RASEF: variants seen among roughly 807,000 people sequenced by gnomAD.
RASEF encodes RAS and EF-hand domain containing.
RASEF carries 68 observed loss-of-function variants against 90.1 expected under a neutral mutation model. That is an observed-to-expected ratio of 0.75 (90% CI 0.62 to 0.92). The LOEUF is 0.92. Ranked by LOEUF, RASEF falls within the 40% of genes least tolerant of loss-of-function variation. RASEF has a pLI of 0.00. For missense variants in RASEF, 949 were observed against 937.2 expected (o/e 1.01, Z -0.16); for synonymous variants, 331 against 345.2 (o/e 0.96, Z 0.46).
At chr9:83,176,368 CTA>C in the RASEF span, among the ~76,000 whole-genome samples, 5 of 152,050 alleles carry the variant, frequency 3.3e-5, no homozygotes, top group Admixed American at 3.3e-4. Flanking sequence ...TTATTTCAAT[CTA>C]TGTTTCTTTA....
chr9:83,154,302 T>G, the RASEF span, among the ~76,000 whole-genome samples: 1 of 152,220 alleles, frequency 6.6e-6, no homozygotes, highest in Non-Finnish European at 1.5e-5. Flanking sequence ...GCAAATTGAC[T>G]GGCTGGCACC....
intron 14 of RASEF, among the ~76,000 whole-genome samples, chr9:82,995,053 T>C (rs180893226): frequency 3.9e-5 from 6 of 152,362 alleles, no homozygotes; most frequent in Non-Finnish European, 8.8e-5. Flanking sequence ...CCATTAGTAG[T>C]ATGTAATTTT....
intron 1 of RASEF, among the ~76,000 whole-genome samples, chr9:83,047,826 A>G (rs1162967456): frequency 6.6e-6 from 1 of 152,224 alleles, no homozygotes; most frequent in Non-Finnish European, 1.5e-5. Flanking sequence ...GATGTCATGG[A>G]ACAACATGCT....
chr9:83,022,998 T>C (rs934341133), intron 2 of RASEF, among the ~76,000 whole-genome samples: 2 of 152,208 alleles, frequency 1.3e-5, no homozygotes, highest in African/African-American at 4.8e-5. Context: ...GATAAAATGA[T>C]ATTAAACTAG....
the RASEF span, among the ~76,000 whole-genome samples, chr9:83,142,907 A>G: frequency 7.5e-6 from 1 of 133,970 alleles, no homozygotes; most frequent in Non-Finnish European, 1.6e-5. Flanking sequence ...AAAACAGAAC[A>G]AGATTATCTT....
the RASEF span, among the ~76,000 whole-genome samples, chr9:83,198,203 A>G: frequency 1.3e-5 from 2 of 152,218 alleles, no homozygotes; most frequent in Non-Finnish European, 2.9e-5. Context: ...ACCCCAAAAC[A>G]TATAATTTAG....
At chr9:83,000,033 A>C (rs1019037121) in intron 12 of RASEF, 136 bp downstream of exon 12, 5 of 590,258 alleles carry the variant, frequency 8.5e-6, no homozygotes, top group Non-Finnish European at 1.4e-5. Flanking sequence ...ACACACACAC[A>C]CACATTTATA....
chr9:83,204,084 A>C, the RASEF span, among the ~76,000 whole-genome samples: 1 of 152,168 alleles, frequency 6.6e-6, no homozygotes, highest in African/African-American at 2.4e-5. Flanking sequence ...AGATGGTAAG[A>C]AGGTGAGGAT....
chr9:83,055,476 C>A, intron 1 of RASEF: 1 of 670,782 alleles, frequency 1.5e-6, no homozygotes, highest in East Asian at 2.8e-5. Context: ...CCCGGTACCT[C>A]AGATGGAAAT....
chr9:83,046,278 C>T (rs1449805531), intron 1 of RASEF, among the ~76,000 whole-genome samples: 2 of 152,040 alleles, frequency 1.3e-5, no homozygotes, highest in Admixed American at 6.6e-5. Context: ...TTAAGAATCT[C>T]GCATGACTTT....
At chr9:83,131,098 G>T in the RASEF span, among the ~76,000 whole-genome samples, 4 of 152,108 alleles carry the variant, frequency 2.6e-5, no homozygotes, top group Admixed American at 6.5e-5. Flanking sequence ...GTGATCTCCT[G>T]GGTCCTTTCT....
the RASEF span, among the ~76,000 whole-genome samples, chr9:83,140,614 C>A: frequency 6.6e-6 from 1 of 152,116 alleles, no homozygotes; most frequent in South Asian, 2.1e-4. Flanking sequence ...TGGCAAACAC[C>A]AGAACAGAGT....
chr9:83,009,995 C>T (rs1294606684), intron 5 of RASEF, among the ~76,000 whole-genome samples: 1 of 152,162 alleles, frequency 6.6e-6, no homozygotes, highest in Non-Finnish European at 1.5e-5. Flanking sequence ...TGATATTTGA[C>T]ACCAAACTAC....
At position 83,009,642 on chromosome 9, in the gene RASEF, T is replaced by G; in HGVS notation, c.958A>C (p.Arg320=). The G allele has an allele frequency of 6.4e-7, 1 of 1,565,656 alleles. No individual in the cohort carries two copies. The highest frequency in any genetic ancestry group is 8.8e-7 in the Non-Finnish European group (1 of 1,136,852). ...ACAAATAAAATGCAAAGTTCATACC[T>G]TTCAGTATTCAGACTCTGATCAGCA... The part of the protein sequence containing the change: ...DYADQSLNTE[R]DLEIIRAYTE... Residue 320 remains arginine (R), a splice_region_variant and synonymous_variant, in exon 6 of 17, where the codon AGG becomes CGG. Coordinates refer to ENST00000376447, the MANE Select transcript of RASEF (RefSeq NM_152573.4).
chr9:83,196,635 A>G, the RASEF span, among the ~76,000 whole-genome samples: 1 of 152,226 alleles, frequency 6.6e-6, no homozygotes, highest in Non-Finnish European at 1.5e-5. Flanking sequence ...TATGAGTCTG[A>G]TGCTGACTTG....
Position 82,998,360 on chromosome 9 carries a change from C to T in RASEF, c.1805+5G>A. The T allele has an allele frequency of 6.2e-7, 1 of 1,602,624 alleles. No individual in the cohort carries two copies. The highest frequency in any genetic ancestry group is 8.5e-7 in the Non-Finnish European group (1 of 1,169,650). On this transcript the variant is annotated splice_donor_5th_base_variant and intron_variant, in intron 13 of 16. Transcript: ENST00000376447. ...ATATCCCATAGCGCTGCGGAATGCACTTGCCTCTCCTGACCAGCTGTATCC... is the reference window on the plus strand; with the variant it reads ...ATATCCCATAGCGCTGCGGAATGCATTTGCCTCTCCTGACCAGCTGTATCC...
At chr9:83,188,709 C>T in the RASEF span, among the ~76,000 whole-genome samples, 3 of 152,108 alleles carry the variant, frequency 2.0e-5, no homozygotes, top group South Asian at 2.1e-4. Context: ...TTCCACCTAC[C>T]GCAGCCCAGC....
rs951301583 is a variant in RASEF at position 83,062,691 on chromosome 9, G to T, written c.177C>A (p.Asp59Glu). ...CGAACTCCTGGAAGGTGATGGCGCC[G>T]TCACGGTCGGCGTCCAGCCGCTGGA... ...AVFQRLDADRDGAITFQEFAR... is the reference protein window; with the variant it reads ...AVFQRLDADREGAITFQEFAR... The change falls in exon 1 of 17, where the codon GAC becomes GAA. Residue 59 changes from aspartate (D) to glutamate (E), a missense_variant. This residue lies in a region of RASEF where 656 missense variants were observed against 592.2 expected (regional missense o/e 1.11). Transcript: ENST00000376447. 1 of 1,574,808 alleles carries T rather than the reference G, an allele frequency of 6.3e-7. No homozygotes were observed. Among genetic ancestry groups the T allele is most frequent in the Non-Finnish European group, 8.6e-7 (1 of 1,169,096 alleles).
chr9:83,195,892 C>G, the RASEF span, among the ~76,000 whole-genome samples: 1 of 151,946 alleles, frequency 6.6e-6, no homozygotes, highest in East Asian at 1.9e-4. Context: ...TTCAAAACAG[C>G]CTACTGATAG....
Sources: allele counts gnomAD v4.1 joint callset (sites outside exome capture counted in the v4.1 genomes callset), GRCh38; gene constraint gnomAD v4.1.1; regional missense constraint gnomAD v4.1.1; transcripts MANE v1.5; gene names NCBI Gene and HGNC (gene_info 2026-07-23, HGNC 2026-07-21).